CERS3: variants seen among roughly 807,000 people sequenced by gnomAD.
CERS3 encodes the protein LAG1 homolog, ceramide synthase 3.
In CERS3, 33 loss-of-function variants were observed where a neutral mutation model predicts 50.3. The observed-to-expected ratio is 0.66, with a 90% CI of 0.50 to 0.88. CERS3 has a LOEUF of 0.88. Ranked by LOEUF, CERS3 falls within the 40% of genes least tolerant of loss-of-function variation. The pLI, the probability that CERS3 is intolerant of heterozygous loss-of-function variation, is 0.00. For missense variants in CERS3, 470 were observed against 460.3 expected (o/e 1.02, Z -0.19); for synonymous variants, 176 against 155.2 (o/e 1.13, Z -0.99).
chr15:100,480,427 C>A (rs548305695), intron 5 of CERS3, among the ~76,000 whole-genome samples: 1 of 152,172 alleles, frequency 6.6e-6, no homozygotes, highest in South Asian at 2.1e-4. Flanking sequence ...CAGGAAGGAA[C>A]CTAATAAGTT....
chr15:100,403,913 A>T (rs960914372), intron 11 of CERS3, among the ~76,000 whole-genome samples: 2 of 152,238 alleles, frequency 1.3e-5, no homozygotes, highest in Admixed American at 1.3e-4. Context: ...TACCCTGTGT[A>T]AAGTTTTTGC....
chr15:100,444,590 C>T (rs923178252), intron 11 of CERS3, among the ~76,000 whole-genome samples: 2 of 152,162 alleles, frequency 1.3e-5, no homozygotes, highest in African/African-American at 2.4e-5. Context: ...TCCTTTCCAT[C>T]GTGGAAATCT....
In CERS3 at chr15:100,402,798, GCCTCTTCTTCTT is replaced by G. The variant is rs1424359034; in HGVS notation, c.1055_1066del (p.Glu352_Glu355del). 1.9e-6 allele frequency: 3 copies of G among 1,614,050 alleles called. No individual in the cohort carries two copies. The highest frequency in any genetic ancestry group is 2.5e-6 in the Non-Finnish European group (3 of 1,179,948). The stretch of plus-strand genomic sequence containing the variant: ...ACAATCCATCTCTTTGCCTTTGGTA[GCCTCTTCTTCTT>G]CCTCTTCCTCTTCCTCTTCATAATC... On this transcript the variant is annotated inframe_deletion, in exon 12 of 12. Coordinates refer to ENST00000679737, the MANE Select transcript of CERS3 (RefSeq NM_001378789.1).
intron 2 of CERS3, among the ~76,000 whole-genome samples, chr15:100,514,316 T>C (rs2036433450): frequency 6.6e-6 from 1 of 152,208 alleles, no homozygotes; most frequent in African/African-American, 2.4e-5. Flanking sequence ...AATTCTTTAA[T>C]TGACACTTAT....
intron 10 of CERS3, among the ~76,000 whole-genome samples, chr15:100,467,219 G>T (rs894547823): frequency 1.3e-5 from 2 of 152,070 alleles, no homozygotes; most frequent in Admixed American, 1.3e-4. Flanking sequence ...CTGCCCAGCC[G>T]CCATATAACT....
At chr15:100,454,401 A>AAG (rs2034286903) in intron 11 of CERS3, among the ~76,000 whole-genome samples, 1 of 151,584 alleles carries the variant, frequency 6.6e-6, no homozygotes, top group Non-Finnish European at 1.5e-5. Context: ...AAAAAAAAAA[A>AAG]AAGATACCAA....
At chr15:100,455,838 C>T in intron 11 of CERS3, 55 bp downstream of exon 11, 1 of 1,200,324 alleles carries the variant, frequency 8.3e-7, no homozygotes, top group Non-Finnish European at 1.2e-6. Context: ...CAGTCCGGGC[C>T]TCACCATTAA....
At chr15:100,457,153 C>A (rs1567631365) in intron 10 of CERS3, among the ~76,000 whole-genome samples, 2 of 152,026 alleles carry the variant, frequency 1.3e-5, no homozygotes, top group Non-Finnish European at 2.9e-5. Context: ...AATTTTCATG[C>A]ATTCTCTTCC....
intron 11 of CERS3, chr15:100,408,629 T>G (rs2031240256): frequency 6.6e-6 from 1 of 152,192 alleles, no homozygotes; most frequent in Admixed American, 6.5e-5. Flanking sequence ...TGAATCAAGC[T>G]CAGAAGGGAT....
intron 1 of CERS3, among the ~76,000 whole-genome samples, chr15:100,539,957 C>T (rs1411974683): frequency 6.6e-6 from 1 of 152,144 alleles, no homozygotes; most frequent in African/African-American, 2.4e-5. Flanking sequence ...TTGCTATTAC[C>T]AAGTAATCTC....
At chr15:100,480,981 C>T (rs1222690612) in intron 5 of CERS3, among the ~76,000 whole-genome samples, 3 of 152,074 alleles carry the variant, frequency 2.0e-5, no homozygotes, top group Non-Finnish European at 1.5e-5. Context: ...TTGCAACGTT[C>T]CAAATAAAAA....
chr15:100,461,046 C>T (rs2034532838), intron 10 of CERS3, among the ~76,000 whole-genome samples: 1 of 151,954 alleles, frequency 6.6e-6, no homozygotes, highest in Admixed American at 6.6e-5. Flanking sequence ...GTGAAGAAGC[C>T]ATCTCAGGTA....
chr15:100,517,695 G>A (rs1288546620), intron 2 of CERS3, among the ~76,000 whole-genome samples: 2 of 152,120 alleles, frequency 1.3e-5, no homozygotes. Flanking sequence ...TGTAATGTTT[G>A]CAGGCAGGGT....
intron 1 of CERS3, among the ~76,000 whole-genome samples, chr15:100,537,534 C>A (rs1225933338): frequency 6.6e-6 from 1 of 152,124 alleles, no homozygotes; most frequent in East Asian, 1.9e-4. Context: ...GAAGAGGAAG[C>A]AAGGCAGCAG....
At chr15:100,427,601 T>C (rs1435002304) in intron 11 of CERS3, among the ~76,000 whole-genome samples, 2 of 152,198 alleles carry the variant, frequency 1.3e-5, no homozygotes, top group African/African-American at 4.8e-5. Flanking sequence ...TTCTCCTGCT[T>C]TGAGGCCCAC....
At chr15:100,459,063 A>G (rs944917673) in intron 10 of CERS3, among the ~76,000 whole-genome samples, 3 of 152,246 alleles carry the variant, frequency 2.0e-5, no homozygotes, top group Non-Finnish European at 4.4e-5. Context: ...AAGTACATAC[A>G]TTAGTGTGTG....
chr15:100,428,454 A>G (rs2587820), intron 11 of CERS3, among the ~76,000 whole-genome samples: 41,907 of 152,068 alleles, frequency 0.28, 5,960 homozygotes, highest in East Asian at 0.42. Flanking sequence ...AAGGTTCACA[A>G]CCTCGGCACT....
chr15:100,466,778 TTCC>T (rs1567638406), intron 10 of CERS3, among the ~76,000 whole-genome samples: 2 of 25,100 alleles, frequency 8.0e-5, no homozygotes, highest in African/African-American at 9.2e-5. Flanking sequence ...CCTTCCTTCC[TTCC>T]TTCCTTCCTT....
intron 7 of CERS3, among the ~76,000 whole-genome samples, chr15:100,478,852 A>G (rs2035216648): frequency 2.6e-5 from 4 of 152,192 alleles, no homozygotes; most frequent in Admixed American, 2.6e-4. Flanking sequence ...AAATATAGGA[A>G]GCAAGGAATA....
Sources: gnomAD v4.1 joint callset for allele counts (sites outside exome capture counted in the v4.1 genomes callset) on GRCh38, gnomAD v4.1.1 for gene constraint, MANE v1.5 for transcripts, NCBI Gene and HGNC (gene_info 2026-07-23, HGNC 2026-07-21) for gene names.